FBXO11: variants seen among roughly 807,000 people sequenced by gnomAD.
FBXO11 encodes F-box only protein 11.
A neutral mutation model predicts 117.0 loss-of-function variants in FBXO11; 13 were observed. The ratio of observed to expected loss-of-function variants is 0.11; its 90% CI spans 0.07 to 0.18. The LOEUF (loss-of-function observed/expected upper bound fraction) is 0.18, where lower values mean the gene tolerates loss of function less well. Among genes scored for constraint, FBXO11 ranks in the 10% least tolerant of loss-of-function variants. FBXO11 has a pLI of 1.00. For missense variants in FBXO11, 767 were observed against 1,164.4 expected (o/e 0.66, Z 4.97); for synonymous variants, 490 against 380.5 (o/e 1.29, Z -3.35).
At chr2:47,851,678 C>G (rs970200887) in intron 1 of FBXO11, among the ~76,000 whole-genome samples, 1 of 152,144 alleles carries the variant, frequency 6.6e-6, no homozygotes, top group Non-Finnish European at 1.5e-5. Context: ...AAGTATAAAA[C>G]AGGACACACA....
At chr2:47,884,423 A>G (rs959856280) in intron 1 of FBXO11, among the ~76,000 whole-genome samples, 1 of 152,104 alleles carries the variant, frequency 6.6e-6, no homozygotes, top group African/African-American at 2.4e-5. Context: ...GTATATTTAA[A>G]CTAATAGCTT....
intron 1 of FBXO11, among the ~76,000 whole-genome samples, chr2:47,896,527 G>A (rs1312316674): frequency 6.6e-6 from 1 of 151,770 alleles, no homozygotes; most frequent in Non-Finnish European, 1.5e-5. Flanking sequence ...ACGGGGTTTC[G>A]CCATGTTGCC....
At chr2:47,817,171 T>C (rs1039236846) in intron 16 of FBXO11, among the ~76,000 whole-genome samples, 2 of 152,238 alleles carry the variant, frequency 1.3e-5, no homozygotes, top group Non-Finnish European at 2.9e-5. Context: ...CTGCTCCACC[T>C]TGCACTTAGC....
At chr2:47,843,023 G>A (rs1673129858) in intron 1 of FBXO11, among the ~76,000 whole-genome samples, 1 of 152,184 alleles carries the variant, frequency 6.6e-6, no homozygotes, top group Non-Finnish European at 1.5e-5. Flanking sequence ...CTGAGCTCAA[G>A]TGATCCTCCT....
chr2:47,876,585 C>G (rs1676021560), intron 1 of FBXO11, among the ~76,000 whole-genome samples: 1 of 152,184 alleles, frequency 6.6e-6, no homozygotes, highest in Admixed American at 6.5e-5. Context: ...CTTTTATCTT[C>G]TGGAAGACAC....
chr2:47,906,233 C>G lies in FBXO11; in HGVS notation c.-513G>C, dbSNP rs1037387688. 1.8e-5 allele frequency: 3 copies of G among 167,898 alleles called. No individual in the cohort carries two copies. The highest frequency in any genetic ancestry group is 3.8e-5 in the Non-Finnish European group (3 of 77,944). The allele number at this position is 167,898 out of a possible 1,614,324, so 10.4% of individuals were successfully genotyped here. A position where few individuals can be genotyped will look rare whatever the true frequency, so the allele number is the denominator to read the frequency against. On this transcript the variant is annotated 5_prime_UTR_variant, in exon 1 of 23. Transcript: ENST00000403359. ...GGGCGCCCGGCTCTTTTTTTTCCCT[C>G]TTCCTCCCCCCCACACCCCCTGAAA... is the stretch of plus-strand genomic sequence containing the variant.
intron 1 of FBXO11, 83 bp downstream of exon 1, chr2:47,905,402 CCCCG>C (rs545418712): frequency 0.24 from 263,548 of 1,091,430 alleles, 34,154 homozygotes; most frequent in African/African-American, 0.5. Flanking sequence ...CGCAGGCCGC[CCCCG>C]CCCGCCCGCC....
intron 1 of FBXO11, among the ~76,000 whole-genome samples, chr2:47,903,401 G>C (rs1052172461): frequency 6.6e-6 from 1 of 152,132 alleles, no homozygotes; most frequent in African/African-American, 2.4e-5. Flanking sequence ...GGTACATACT[G>C]AAATTTGGAT....
intron 13 of FBXO11, among the ~76,000 whole-genome samples, chr2:47,820,921 C>T (rs1214089715): frequency 6.6e-6 from 1 of 152,180 alleles, no homozygotes; most frequent in Non-Finnish European, 1.5e-5. Context: ...AAAGCCCAGG[C>T]ACATATTGGT....
intron 1 of FBXO11, among the ~76,000 whole-genome samples, chr2:47,866,090 C>T (rs1217014629): frequency 3.3e-5 from 5 of 150,984 alleles, no homozygotes; most frequent in Admixed American, 1.3e-4. Context: ...CCATCTCTAC[C>T]GAAAAAAAAT....
intron 16 of FBXO11, among the ~76,000 whole-genome samples, chr2:47,816,298 G>C (rs1166868247): frequency 6.6e-6 from 1 of 152,112 alleles, no homozygotes; most frequent in Non-Finnish European, 1.5e-5. Context: ...TCCCACCTCA[G>C]CCTTCCGGGT....
At chr2:47,859,994 G>A (rs1029948826) in intron 1 of FBXO11, among the ~76,000 whole-genome samples, 3 of 152,116 alleles carry the variant, frequency 2.0e-5, no homozygotes, top group Non-Finnish European at 4.4e-5. Context: ...GTTTCTAGCT[G>A]TCCATGGGCT....
At chr2:47,893,568 T>C (rs780300414) in intron 1 of FBXO11, among the ~76,000 whole-genome samples, 29 of 152,324 alleles carry the variant, frequency 1.9e-4, no homozygotes, top group Admixed American at 7.2e-4. Flanking sequence ...AGAAGCTTAC[T>C]TGCAATTCAG....
Position 47,884,914 on chromosome 2 carries a change from A to T in FBXO11, c.232+20575T>A, listed in dbSNP as rs2881934. Among the ~76,000 whole-genome samples, 1,229 of 152,260 alleles carry T rather than the reference A, an allele frequency of 8.1e-3. 26 individuals carry two copies. The highest frequency in any genetic ancestry group is 0.039 in the East Asian group (203 of 5,168). ...GTTATGCATAATATATTAATTATAC[A>T]TCATTTCTATTGCGCATCATAAGTC... On this transcript the variant is annotated intron_variant, in intron 1 of 22. Coordinates refer to ENST00000403359, the MANE Select transcript of FBXO11 (RefSeq NM_001190274.2).
At chr2:47,844,397 C>T (rs1673245582) in intron 1 of FBXO11, among the ~76,000 whole-genome samples, 1 of 152,152 alleles carries the variant, frequency 6.6e-6, no homozygotes, top group African/African-American at 2.4e-5. Context: ...ATGCCTGGGT[C>T]TTTGTTTCAG....
chr2:47,826,957 T>A (rs912523204), intron 11 of FBXO11, among the ~76,000 whole-genome samples: 25 of 152,226 alleles, frequency 1.6e-4, no homozygotes, highest in African/African-American at 2.4e-5. Context: ...AACAGCTTTA[T>A]TGGAGCTTTA....
chr2:47,810,010 T>C, intron 19 of FBXO11: 1 of 490,094 alleles, frequency 2.0e-6, no homozygotes, highest in Middle Eastern at 5.3e-4. Context: ...TTTAAACTGG[T>C]AAATTCATCT....
At position 47,871,185 on chromosome 2, in the gene FBXO11, G is replaced by C. The variant is rs141430945; in HGVS notation, c.233-31416C>G. ...CAGTAGCTACCTGCTTGCTCTCTTC[G>C]ATTACTTGCTCTGGACAAAGCCACG... On this transcript the variant is annotated intron_variant, in intron 1 of 22. Transcript: ENST00000403359. Among the ~76,000 whole-genome samples the C allele has an allele frequency of 9.9e-5, 15 of 152,238 alleles. No homozygotes were observed. In the East Asian group the frequency reaches 2.5e-3, roughly 25 times the overall value.
At chr2:47,808,289 A>G (rs971654368) in intron 22 of FBXO11, 40 bp downstream of exon 22, 5 of 1,612,682 alleles carry the variant, frequency 3.1e-6, no homozygotes, top group Non-Finnish European at 3.4e-6. Flanking sequence ...AGTGAGGGGG[A>G]AAGTAATTGG....
Sources: allele counts gnomAD v4.1 joint callset (sites outside exome capture counted in the v4.1 genomes callset), GRCh38; gene constraint gnomAD v4.1.1; transcripts MANE v1.5; gene names NCBI Gene and HGNC (gene_info 2026-07-23, HGNC 2026-07-21).